PITX3: variants seen among roughly 807,000 people sequenced by gnomAD.
The protein encoded by PITX3 is pituitary homeobox 3.
Under a neutral mutation model 14.2 loss-of-function variants are expected in PITX3, and 4 were observed. The observed-to-expected ratio is 0.28, with a 90% CI of 0.14 to 0.65. The LOEUF (loss-of-function observed/expected upper bound fraction) is 0.65, where lower values mean the gene tolerates loss of function less well. PITX3 is among the 30% of genes least tolerant of loss of function. The probability of loss-of-function intolerance (pLI) is 0.82; values close to 1 mark genes in which losing one functional copy is unlikely to be tolerated. For missense variants in PITX3, 358 were observed against 426.8 expected (o/e 0.84, Z 1.42); for synonymous variants, 194 against 204.5 (o/e 0.95, Z 0.44).
At chr10:102,238,376 C>A (rs1393986334) in intron 1 of PITX3, among the ~76,000 whole-genome samples, 1 of 152,196 alleles carries the variant, frequency 6.6e-6, no homozygotes, top group East Asian at 1.9e-4. Context: ...GAGTCCTGGG[C>A]CAATGTTCCC....
Position 102,230,562 on chromosome 10 carries a change from C to A in PITX3, c.861G>T (p.Pro287=). ...FSYPAVHGPP[P]AANLSPCQYA... ...ACTGGCACGGACTAAGGTTGGCTGC[C>A]GGGGGCGGCCCGTGCACAGCGGGGT... is the stretch of plus-strand genomic sequence containing the variant. The change falls in exon 4 of 4, where the codon CCG becomes CCT. Residue 287 remains proline, a synonymous_variant. Coordinates refer to ENST00000370002, the MANE Select transcript of PITX3 (RefSeq NM_005029.4). 1 of 1,610,820 alleles carries A rather than the reference C, an allele frequency of 6.2e-7. No individual in the cohort carries two copies.
chr10:102,238,585 C>T (rs1167992173), intron 1 of PITX3, among the ~76,000 whole-genome samples: 4 of 152,224 alleles, frequency 2.6e-5, no homozygotes, highest in African/African-American at 9.6e-5. Context: ...CTCAGCCCCA[C>T]TTTTCCAAAC....
At chr10:102,231,883 C>T (rs1293632032) in intron 2 of PITX3, 80 bp downstream of exon 2, 6 of 1,562,332 alleles carry the variant, frequency 3.8e-6, no homozygotes, top group East Asian at 2.2e-5. Context: ...TGGCTCCCAC[C>T]GGGGCTGCCC....
chr10:102,231,485 G>C (rs1590405366), intron 3 of PITX3, 103 bp downstream of exon 3: 2 of 758,262 alleles, frequency 2.6e-6, no homozygotes, highest in East Asian at 2.7e-5. Context: ...CGGGGTCCGG[G>C]GTCCGAGGGA....
chr10:102,234,529 G>A (rs1316547322), intron 1 of PITX3, among the ~76,000 whole-genome samples: 1 of 152,184 alleles, frequency 6.6e-6, no homozygotes, highest in Non-Finnish European at 1.5e-5. Flanking sequence ...TGCTCTGATG[G>A]AAGGGAGATG....
chr10:102,231,039 T>G lies in PITX3; in HGVS notation c.384A>C (p.Leu128=). 1 of 1,589,178 alleles carries G rather than the reference T, an allele frequency of 6.3e-7. No homozygotes were observed. Among genetic ancestry groups the G allele is most frequent in the Non-Finnish European group, 8.6e-7 (1 of 1,168,518 alleles). The change falls in exon 4 of 4, where the codon CTA becomes CTC. Residue 128 remains leucine, a synonymous_variant. Transcript: ENST00000370002. ...GCGGCGCCGCGAAGCTGCCTTTGCA[T>G]AGCTCGGCCTGCTGGCTGCGCTCGC... ...RKRERSQQAE[L]CKGSFAAPLG... is the part of the protein sequence containing the mutation.
At chr10:102,235,228 G>T (rs1197966001) in intron 1 of PITX3, among the ~76,000 whole-genome samples, 3 of 109,618 alleles carry the variant, frequency 2.7e-5, no homozygotes, top group Non-Finnish European at 5.3e-5. Flanking sequence ...CTCAGTCCCA[G>T]GAGCTAAGGA....
At chr10:102,233,479 T>C (rs930272455) in intron 1 of PITX3, among the ~76,000 whole-genome samples, 7 of 151,926 alleles carry the variant, frequency 4.6e-5, no homozygotes, top group Non-Finnish European at 7.4e-5. Context: ...AATTTTTGTA[T>C]TTTTAGTAGA....
intron 1 of PITX3, among the ~76,000 whole-genome samples, chr10:102,239,447 G>A (rs537914462): frequency 1.3e-5 from 2 of 152,314 alleles, no homozygotes; most frequent in African/African-American, 4.8e-5. Context: ...GCACAGCAAT[G>A]GGAGCACAAG....
chr10:102,237,481 G>A (rs1427346780), intron 1 of PITX3, among the ~76,000 whole-genome samples: 5 of 152,112 alleles, frequency 3.3e-5, no homozygotes, highest in African/African-American at 1.2e-4. Flanking sequence ...GCCTCCAATG[G>A]GGGACAAGGG....
intron 1 of PITX3, among the ~76,000 whole-genome samples, chr10:102,240,931 C>A (rs2070518823): frequency 6.6e-6 from 1 of 152,206 alleles, no homozygotes; most frequent in Non-Finnish European, 1.5e-5. Flanking sequence ...CGTCAACTGC[C>A]CCCACACTGG....
Position 102,230,673 on chromosome 10 carries a change from GGCGGCAGCC to G in PITX3, c.741_749del (p.Ala248_Ala250del), listed in dbSNP as rs1280548456. On this transcript the variant is annotated inframe_deletion, in exon 4 of 4. Coordinates refer to ENST00000370002, the MANE Select transcript of PITX3 (RefSeq NM_005029.4). ...GGTCCCGATAGACGTAGGGGGAAGA[GGCGGCAGCC>G]GCGGCGGCGGCGGCGGCCGAGGCAT... 2 of 1,586,398 alleles carry G rather than the reference GGCGGCAGCC, an allele frequency of 1.3e-6. No individual in the cohort carries two copies. The highest frequency in any genetic ancestry group is 1.3e-5 in the African/African-American group (1 of 74,352).
chr10:102,231,853 G>A, intron 2 of PITX3, 63 bp from the exon 3 acceptor site: 2 of 1,583,522 alleles, frequency 1.3e-6, no homozygotes, highest in South Asian at 2.2e-5. Flanking sequence ...TCCGGCTCGG[G>A]GACCTCCTAA....
At chr10:102,237,022 C>G (rs535251434) in intron 1 of PITX3, among the ~76,000 whole-genome samples, 62 of 152,290 alleles carry the variant, frequency 4.1e-4, no homozygotes, top group Admixed American at 8.5e-4. Context: ...TTGAAGCACT[C>G]AAGTTATTAA....
At chr10:102,236,835 G>T (rs938972516) in intron 1 of PITX3, among the ~76,000 whole-genome samples, 1 of 151,688 alleles carries the variant, frequency 6.6e-6, no homozygotes, top group African/African-American at 2.4e-5. Context: ...GGGCTAAATG[G>T]AGAGATGAGA....
rs376473345 is a variant in PITX3 at position 102,231,767 on chromosome 10, G to A, written c.142C>T (p.Leu48=). ...HSDSEKASAS[L]PGGSPEDGSL... ...CCGTCCTCTGGGGAGCCGCCGGGCA[G>A]CGAAGCCGAGGCCTTTTCTGAGTCT... Residue 48 remains leucine (L), a synonymous_variant, in exon 3 of 4, where the codon CTG becomes TTG. Transcript: ENST00000370002. 122 of 1,605,026 alleles carry A rather than the reference G, an allele frequency of 7.6e-5. No individual in the cohort carries two copies. Among genetic ancestry groups the A allele is most frequent in the Non-Finnish European group, 1.0e-4 (121 of 1,177,672 alleles).
chr10:102,231,206 A>C, intron 3 of PITX3, 105 bp from the exon 4 acceptor site: 27 of 1,102,536 alleles, frequency 2.4e-5, no homozygotes, highest in Non-Finnish European at 3.1e-5. Flanking sequence ...CGGTCAATAA[A>C]CGAGATGAGG....
Position 102,230,931 on chromosome 10 carries a change from C to T in PITX3, c.492G>A (p.Pro164=). Residue 164 remains proline (P), a synonymous_variant, in exon 4 of 4, where the codon CCG becomes CCA. Transcript: ENST00000370002. ...CGAATGGAAAGGTCTTGGCGGCGAG[C>T]GGCGGGGCAAGAGCCTTGGGCGGCC... ...GNWPPKALAP[P]LAAKTFPFAF... is the part of the protein sequence containing the mutation. The T allele has an allele frequency of 1.2e-6, 2 of 1,609,532 alleles. No individual in the cohort carries two copies. Among genetic ancestry groups the T allele is most frequent in the Non-Finnish European group, 1.7e-6 (2 of 1,178,442 alleles).
At chr10:102,231,179 T>A in intron 3 of PITX3, 78 bp from the exon 4 acceptor site, 1 of 1,357,488 alleles carries the variant, frequency 7.4e-7, no homozygotes, top group Non-Finnish European at 9.7e-7. Context: ...CCGACGGGGC[T>A]TCCAGCCGGG....
Sources: gnomAD v4.1 joint callset for allele counts (sites outside exome capture counted in the v4.1 genomes callset) on GRCh38, gnomAD v4.1.1 for gene constraint, MANE v1.5 for transcripts, NCBI Gene and HGNC (gene_info 2026-07-23, HGNC 2026-07-21) for gene names.